The following DPP10 variants were observed in gnomAD, a reference collection of about 807,000 sequenced individuals.
The protein encoded by DPP10 is inactive dipeptidyl peptidase 10.
DPP10 carries 33 observed loss-of-function variants against 120.9 expected under a neutral mutation model. That is an observed-to-expected ratio of 0.27 (90% CI 0.21 to 0.37). DPP10 has a LOEUF of 0.37. Ranked by LOEUF, DPP10 falls within the 10% of genes least tolerant of loss-of-function variation. DPP10 has a pLI of 1.00. For synonymous variants in DPP10, 337 were observed against 326.1 expected (o/e 1.03, Z -0.36); for missense variants, 816 against 942.8 (o/e 0.87, Z 1.76).
intron 13 of DPP10, among the ~76,000 whole-genome samples, chr2:115,771,737 G>T (rs72828584): frequency 0.2 from 30,157 of 152,024 alleles, 4,112 homozygotes; most frequent in East Asian, 0.54. Flanking sequence ...CTGGGGCCTT[G>T]GCAGCCAACA....
At chr2:114,568,575 C>T (rs979235706) in intron 1 of DPP10, among the ~76,000 whole-genome samples, 5 of 152,180 alleles carry the variant, frequency 3.3e-5, no homozygotes, top group Non-Finnish European at 5.9e-5. Flanking sequence ...GCCTCAATCC[C>T]GAGCCTCTGT....
At chr2:115,794,219 A>G (rs1472231618) in intron 19 of DPP10, among the ~76,000 whole-genome samples, 3 of 152,224 alleles carry the variant, frequency 2.0e-5, no homozygotes, top group African/African-American at 7.2e-5. Flanking sequence ...CTGGTAGCCA[A>G]CAGAATATGA....
chr2:115,118,297 A>G (rs1461756228), intron 1 of DPP10, among the ~76,000 whole-genome samples: 3 of 152,168 alleles, frequency 2.0e-5, no homozygotes, highest in Admixed American at 6.5e-5. Flanking sequence ...TAGACCATTT[A>G]TTTACTCCAA....
At chr2:114,911,745 C>A (rs753486598) in intron 1 of DPP10, among the ~76,000 whole-genome samples, 2 of 152,102 alleles carry the variant, frequency 1.3e-5, no homozygotes, top group African/African-American at 2.4e-5. Context: ...TCATACTGAG[C>A]TTTGGGGCCA....
At chr2:115,657,336 A>AACTT (rs918868236) in intron 5 of DPP10, among the ~76,000 whole-genome samples, 14 of 151,812 alleles carry the variant, frequency 9.2e-5, no homozygotes, top group Non-Finnish European at 1.8e-4. Flanking sequence ...AGTCATTTAA[A>AACTT]ACTTACACTG....
At chr2:114,594,540 TATTA>T (rs1461792260) in intron 1 of DPP10, among the ~76,000 whole-genome samples, 2 of 143,442 alleles carry the variant, frequency 1.4e-5, no homozygotes, top group East Asian at 3.9e-4. Flanking sequence ...AGGAAGTATA[TATTA>T]TATATACATA....
intron 1 of DPP10, among the ~76,000 whole-genome samples, chr2:115,096,096 A>G (rs1463471456): frequency 1.3e-5 from 2 of 152,136 alleles, no homozygotes; most frequent in Non-Finnish European, 2.9e-5. Flanking sequence ...GTACACATGT[A>G]TGTACTCATG....
chr2:114,835,112 A>G (rs943427216), intron 1 of DPP10: 1 of 148,798 alleles, frequency 6.7e-6, no homozygotes, highest in African/African-American at 2.6e-5. Flanking sequence ...CCATATCTAC[A>G]CACCTATGTA....
intron 1 of DPP10, among the ~76,000 whole-genome samples, chr2:114,532,926 T>G (rs1686161876): frequency 6.6e-6 from 1 of 152,166 alleles, no homozygotes; most frequent in South Asian, 2.1e-4. Flanking sequence ...GGACTCATCG[T>G]TCCCTACCTA....
At chr2:114,866,227 C>A (rs1690222960) in intron 1 of DPP10, among the ~76,000 whole-genome samples, 1 of 151,906 alleles carries the variant, frequency 6.6e-6, no homozygotes, top group African/African-American at 2.4e-5. Flanking sequence ...TTTCATCCTA[C>A]ATTTTCTCTC....
chr2:115,393,409 T>C (rs2067457217), intron 3 of DPP10, among the ~76,000 whole-genome samples: 1 of 152,144 alleles, frequency 6.6e-6, no homozygotes, highest in Non-Finnish European at 1.5e-5. Context: ...CTTATCAAAG[T>C]CTGAATGACC....
intron 2 of DPP10, among the ~76,000 whole-genome samples, chr2:115,341,579 C>G (rs919929827): frequency 5.9e-5 from 9 of 152,114 alleles, no homozygotes; most frequent in Non-Finnish European, 8.8e-5. Flanking sequence ...ACTTCACCAC[C>G]CTACAAATTC....
chr2:115,802,409 G>GT (rs997632148), intron 19 of DPP10, among the ~76,000 whole-genome samples: 3 of 152,028 alleles, frequency 2.0e-5, no homozygotes, highest in Admixed American at 1.3e-4. Flanking sequence ...TTTTTGAAGG[G>GT]TTTTTTGTGT....
intron 1 of DPP10, among the ~76,000 whole-genome samples, chr2:115,200,058 ACT>A (rs969580917): frequency 2.0e-5 from 3 of 152,184 alleles, no homozygotes; most frequent in Non-Finnish European, 4.4e-5. Flanking sequence ...GGGTTCCATC[ACT>A]GTTTCTGTGC....
intron 1 of DPP10, among the ~76,000 whole-genome samples, chr2:115,086,140 CT>C (rs1377076966): frequency 1.3e-5 from 2 of 152,192 alleles, no homozygotes; most frequent in East Asian, 3.9e-4. Context: ...ATAGCTAGAT[CT>C]TTTTCTTTCA....
intron 1 of DPP10, among the ~76,000 whole-genome samples, chr2:115,071,670 A>G (rs1334891943): frequency 6.8e-6 from 1 of 147,534 alleles, no homozygotes; most frequent in Non-Finnish European, 1.5e-5. Context: ...GGCAATTTCT[A>G]TATTTATTTA....
At chr2:115,619,647 A>G (rs1371152605) in intron 5 of DPP10, among the ~76,000 whole-genome samples, 1 of 152,176 alleles carries the variant, frequency 6.6e-6, no homozygotes, top group Admixed American at 6.5e-5. Context: ...AGGCTCAGTC[A>G]AGTGTCACAT....
chr2:115,185,072 A>T lies in DPP10; in HGVS notation c.61-124167A>T, dbSNP rs187909023. Among the ~76,000 whole-genome samples, 11 of 152,272 alleles carry T rather than the reference A, an allele frequency of 7.2e-5. No individual in the cohort carries two copies. In the East Asian group the frequency reaches 2.1e-3, roughly 29 times the overall value. On this transcript the variant is annotated intron_variant, in intron 1 of 25. Coordinates refer to ENST00000410059, the MANE Select transcript of DPP10 (RefSeq NM_020868.6). ...GCTGTGTTATAAAATTAGTTTTAGA[A>T]TTAGATTAGTTCTGTGACATGAGAT...
intron 19 of DPP10, among the ~76,000 whole-genome samples, chr2:115,807,449 G>A (rs1686121826): frequency 6.6e-6 from 1 of 152,118 alleles, no homozygotes; most frequent in African/African-American, 2.4e-5. Flanking sequence ...TAACAATAAG[G>A]CTTTCAGTTT....
Sources: allele counts gnomAD v4.1 joint callset (sites outside exome capture counted in the v4.1 genomes callset), GRCh38; gene constraint gnomAD v4.1.1; transcripts MANE v1.5; gene names NCBI Gene and HGNC (gene_info 2026-07-23, HGNC 2026-07-21).